The following FAF1 variants were observed in gnomAD, a reference collection of about 807,000 sequenced individuals.
The protein encoded by FAF1 is Fas associated factor 1, also known as FAS-associated factor 1.
In FAF1, 25 loss-of-function variants were observed where a neutral mutation model predicts 92.5. The observed-to-expected ratio is 0.27, with a 90% CI of 0.20 to 0.38. FAF1 has a LOEUF of 0.38. FAF1 is among the 10% of genes least tolerant of loss of function. The probability of loss-of-function intolerance (pLI) is 1.00; values close to 1 mark genes in which losing one functional copy is unlikely to be tolerated. For synonymous variants in FAF1, 234 were observed against 273.2 expected (o/e 0.86, Z 1.42); for missense variants, 636 against 793.3 (o/e 0.80, Z 2.38).
intron 1 of FAF1, among the ~76,000 whole-genome samples, chr1:50,864,257 G>T (rs1393998368): frequency 6.7e-6 from 1 of 149,058 alleles, no homozygotes; most frequent in Non-Finnish European, 1.5e-5. Flanking sequence ...TTTTGAATGT[G>T]TTTGCTCTTG....
At chr1:50,692,042 C>T (rs1656952578) in intron 7 of FAF1, among the ~76,000 whole-genome samples, 1 of 152,032 alleles carries the variant, frequency 6.6e-6, no homozygotes, top group Non-Finnish European at 1.5e-5. Context: ...ATGGTGAAAC[C>T]TCATCTCTAC....
intron 8 of FAF1, among the ~76,000 whole-genome samples, chr1:50,607,243 C>T (rs887960922): frequency 4.3e-4 from 66 of 152,164 alleles, no homozygotes; most frequent in Non-Finnish European, 5.7e-4. Context: ...TGGTATGATT[C>T]CAGGTGTGTA....
chr1:50,906,686 T>C (rs531558460), intron 1 of FAF1, among the ~76,000 whole-genome samples: 5 of 152,310 alleles, frequency 3.3e-5, no homozygotes, highest in African/African-American at 1.2e-4. Flanking sequence ...TGTTTGTCTG[T>C]TATTGGTGTA....
At chr1:50,478,366 T>C (rs1268238028) in intron 17 of FAF1, among the ~76,000 whole-genome samples, 1 of 152,164 alleles carries the variant, frequency 6.6e-6, no homozygotes, top group Non-Finnish European at 1.5e-5. Context: ...CTTTGCCATG[T>C]TGGCCAGGCT....
At chr1:50,943,447 G>A (rs1645149697) in intron 1 of FAF1, among the ~76,000 whole-genome samples, 1 of 152,174 alleles carries the variant, frequency 6.6e-6, no homozygotes, top group South Asian at 2.1e-4. Context: ...TAATTGTACA[G>A]ACTCTGCCTT....
intron 8 of FAF1, among the ~76,000 whole-genome samples, chr1:50,654,163 A>C (rs1460322474): frequency 2.6e-5 from 4 of 152,180 alleles, no homozygotes; most frequent in Admixed American, 6.6e-5. Flanking sequence ...GTGATGCTGG[A>C]AGAGGAGTGA....
chr1:50,946,250 A>T (rs1426797976), intron 1 of FAF1, among the ~76,000 whole-genome samples: 1 of 152,230 alleles, frequency 6.6e-6, no homozygotes, highest in African/African-American at 2.4e-5. Flanking sequence ...CAATCAGGAC[A>T]AATCTCCCTA....
In FAF1 at chr1:50,582,706, GA is replaced by G. The variant is rs766234198; in HGVS notation, c.1032-8del. The G allele has an allele frequency of 3.2e-6, 5 of 1,550,164 alleles. No homozygotes were observed. Among genetic ancestry groups the G allele is most frequent in the South Asian group, 2.2e-5 (2 of 89,656 alleles). On this transcript the variant is annotated splice_polypyrimidine_tract_variant and splice_region_variant and intron_variant, in intron 11 of 18. Transcript: ENST00000396153. Reference sequence around the variant, plus strand: ...AGGATGGCAATCACCATATCTATAGGAAAAAGTGAGTCTATTAATTAAAATA... The same window carrying G: ...AGGATGGCAATCACCATATCTATAGGAAAAGTGAGTCTATTAATTAAAATA...
At chr1:50,526,279 G>C (rs1647798296) in intron 15 of FAF1, among the ~76,000 whole-genome samples, 1 of 151,580 alleles carries the variant, frequency 6.6e-6, no homozygotes, top group African/African-American at 2.4e-5. Flanking sequence ...CACCGTGCCT[G>C]GCCAAAACAA....
intron 18 of FAF1, among the ~76,000 whole-genome samples, chr1:50,459,981 A>ATAG (rs1316396375): frequency 6.6e-6 from 1 of 152,236 alleles, no homozygotes; most frequent in Non-Finnish European, 1.5e-5. Context: ...TAGTGGACGT[A>ATAG]TAGTAGTAAA....
Position 50,589,453 on chromosome 1 carries a change from G to A in FAF1, c.841-4642C>T, listed in dbSNP as rs74080012. ...ACCCAGAGACTGTCAAGGCTGCTGG[G>A]CTGTGTTCCCAGGCCAGAACAACTA... On this transcript the variant is annotated intron_variant, in intron 9 of 18. Coordinates refer to ENST00000396153, the MANE Select transcript of FAF1 (RefSeq NM_007051.3). Among the ~76,000 whole-genome samples, 1,170 of 152,306 alleles carry A rather than the reference G, an allele frequency of 7.7e-3. 13 individuals are homozygous for A. Among genetic ancestry groups the A allele is most frequent in the African/African-American group, 0.027 (1,130 of 41,552 alleles).
At chr1:50,766,050 C>T (rs2124537251) in intron 4 of FAF1, among the ~76,000 whole-genome samples, 1 of 152,212 alleles carries the variant, frequency 6.6e-6, no homozygotes, top group Admixed American at 6.5e-5. Context: ...CGAGATCGCG[C>T]CATTGCACTC....
chr1:50,668,172 T>C (rs975552275), intron 7 of FAF1, among the ~76,000 whole-genome samples: 5 of 152,090 alleles, frequency 3.3e-5, no homozygotes, highest in African/African-American at 1.2e-4. Flanking sequence ...GCTCATCAAG[T>C]GAAAATAAAC....
At chr1:50,627,565 AAAG>A (rs919586237) in intron 8 of FAF1, among the ~76,000 whole-genome samples, 1 of 152,086 alleles carries the variant, frequency 6.6e-6, no homozygotes, top group Non-Finnish European at 1.5e-5. Context: ...AAGGTTGGAC[AAAG>A]AAGGAAGGAA....
chr1:50,571,209 C>T (rs1212132557), intron 12 of FAF1, among the ~76,000 whole-genome samples: 1 of 152,092 alleles, frequency 6.6e-6, no homozygotes, highest in Non-Finnish European at 1.5e-5. Flanking sequence ...TTTATTTGTC[C>T]TTTCTAATTT....
chr1:50,682,916 C>A (rs1656487785), intron 7 of FAF1, among the ~76,000 whole-genome samples: 1 of 151,554 alleles, frequency 6.6e-6, no homozygotes, highest in South Asian at 2.1e-4. Context: ...AATGGTGAAA[C>A]CCTGTCTCCA....
At chr1:50,627,065 G>C (rs1653536545) in intron 8 of FAF1, among the ~76,000 whole-genome samples, 1 of 152,088 alleles carries the variant, frequency 6.6e-6, no homozygotes, top group South Asian at 2.1e-4. Context: ...TTTTGGATAT[G>C]GTAAATTTTA....
At chr1:50,447,634 G>A (rs532069375) in intron 18 of FAF1, among the ~76,000 whole-genome samples, 10 of 152,292 alleles carry the variant, frequency 6.6e-5, no homozygotes, top group East Asian at 1.9e-4. Context: ...CCTTTGCCAC[G>A]CTGGCAGAAA....
At chr1:50,814,486 C>T (rs1235096626) in intron 2 of FAF1, among the ~76,000 whole-genome samples, 3 of 152,056 alleles carry the variant, frequency 2.0e-5, no homozygotes, top group Non-Finnish European at 4.4e-5. Context: ...AACAAACCAA[C>T]TACAGATACA....
Sources: allele counts gnomAD v4.1 joint callset (sites outside exome capture counted in the v4.1 genomes callset), GRCh38; gene constraint gnomAD v4.1.1; transcripts MANE v1.5; gene names NCBI Gene and HGNC (gene_info 2026-07-23, HGNC 2026-07-21).